Variants in SUFU observed in about 807,000 individuals in gnomAD.
The protein encoded by SUFU is SUFU negative regulator of hedgehog signaling.
SUFU carries 7 observed loss-of-function variants against 58.9 expected under a neutral mutation model. The observed-to-expected ratio is 0.12, with a 90% confidence interval of 0.07 to 0.22. The LOEUF (loss-of-function observed/expected upper bound fraction) is 0.22, where lower values mean the gene tolerates loss of function less well. Among genes scored for constraint, SUFU ranks in the 10% least tolerant of loss-of-function variants. SUFU has a pLI of 1.00. For synonymous variants in SUFU, 232 were observed against 254.8 expected, an observed-to-expected ratio of 0.91 and a Z score of 0.85; for missense variants, 451 against 641.3, an observed-to-expected ratio of 0.70 and a Z score of 3.20.
In SUFU at chr10:102,628,530, G is replaced by A. The variant is rs913602716; in HGVS notation, c.1365+1287G>A. 4.6e-5 allele frequency among the ~76,000 whole-genome samples: 7 copies of A among 152,208 alleles called. No individual in the cohort carries two copies. Among genetic ancestry groups the A allele is most frequent in the African/African-American group, 1.4e-4 (6 of 41,452 alleles). Reference sequence around the variant, plus strand: ...CTTCCGGAGAGGCCTTGTCGCACTGGGATGGCGCTGTGCCAGGCTGCTGCT... The same window carrying A: ...CTTCCGGAGAGGCCTTGTCGCACTGAGATGGCGCTGTGCCAGGCTGCTGCT... On this transcript the variant is annotated intron_variant, in intron 11 of 11. Transcript: ENST00000369902. The surrounding 1 kb of genome is among the most constrained non-coding windows in gnomAD (Gnocchi z 4.5).
intron 7 of SUFU, among the ~76,000 whole-genome samples, chr10:102,598,676 G>A (rs759895578): frequency 3.9e-5 from 6 of 152,172 alleles, no homozygotes; most frequent in Non-Finnish European, 8.8e-5. Flanking sequence ...AGTTAGAAAA[G>A]TTAGTAATCA....
rs903690913 is a variant in SUFU at position 102,629,462 on chromosome 10, G to A, written c.1366-604G>A. Among the ~76,000 whole-genome samples the A allele has an allele frequency of 3.9e-5, 6 of 152,290 alleles. No homozygotes were observed. In the East Asian group the frequency reaches 1.2e-3, roughly 29 times the overall value. On this transcript the variant is annotated intron_variant, in intron 11 of 11. Transcript: ENST00000369902. This position sits in a 1 kb window ranked among gnomAD's most constrained non-coding sequence, Gnocchi z 4.7. Reference sequence around the variant, plus strand: ...TGGTGCGAATGAATACAGGGAGCAGGGTGGGGATTGGCCCCTCTCAGGCCC... The same window carrying A: ...TGGTGCGAATGAATACAGGGAGCAGAGTGGGGATTGGCCCCTCTCAGGCCC...
chr10:102,630,290 GC>G lies in SUFU; in HGVS notation c.*138del. ...GAAGACTGCGCAGTGCCACCCCGCAGCCCAGTGGGGTGCCATGCACAGGCCA... is the reference window on the plus strand; with the variant it reads ...GAAGACTGCGCAGTGCCACCCCGCAGCCAGTGGGGTGCCATGCACAGGCCA... On this transcript the variant is annotated 3_prime_UTR_variant, in exon 12 of 12. Coordinates refer to ENST00000369902, the MANE Select transcript of SUFU (RefSeq NM_016169.4). 1.2e-6 allele frequency: 1 copy of G among 802,964 alleles called. No homozygotes were observed. Among genetic ancestry groups the G allele is most frequent in the Non-Finnish European group, 2.1e-6 (1 of 482,268 alleles). The allele number at this position is 802,964 out of a possible 1,614,324, so 49.7% of individuals were successfully genotyped here. A position where few individuals can be genotyped will look rare whatever the true frequency, so the allele number is the denominator to read the frequency against.
intron 3 of SUFU, among the ~76,000 whole-genome samples, chr10:102,565,423 G>C (rs752522443): frequency 6.6e-6 from 1 of 152,160 alleles, no homozygotes; most frequent in Non-Finnish European, 1.5e-5. Flanking sequence ...GTTGGGGTTG[G>C]GGGGTATGCA....
intron 3 of SUFU, among the ~76,000 whole-genome samples, chr10:102,564,572 A>G (rs1431283058): frequency 6.6e-6 from 1 of 152,176 alleles, no homozygotes; most frequent in African/African-American, 2.4e-5. Flanking sequence ...GGGTCAAGTG[A>G]TCCACCCGCC....
intron 3 of SUFU, among the ~76,000 whole-genome samples, chr10:102,581,492 G>A (rs1027585552): frequency 1.3e-5 from 2 of 152,128 alleles, no homozygotes; most frequent in African/African-American, 4.8e-5. Context: ...TCTGCTCGTG[G>A]GCCTTCTGTT....
chr10:102,589,859 A>G (rs140223233), intron 3 of SUFU, among the ~76,000 whole-genome samples: 2 of 152,296 alleles, frequency 1.3e-5, no homozygotes, highest in African/African-American at 4.8e-5. Flanking sequence ...CGTAGAAGGA[A>G]TTAGTTCAGT....
At chr10:102,604,418 G>A (rs1051161260) in intron 8 of SUFU, among the ~76,000 whole-genome samples, 2 of 152,166 alleles carry the variant, frequency 1.3e-5, no homozygotes, top group African/African-American at 4.8e-5. Context: ...TCTTTGCTCC[G>A]CTTCCCCAAA....
intron 7 of SUFU, among the ~76,000 whole-genome samples, chr10:102,597,713 C>T (rs758567070): frequency 3.9e-5 from 6 of 152,126 alleles, no homozygotes; most frequent in Non-Finnish European, 5.9e-5. Flanking sequence ...ACTCTGGCCT[C>T]GGGCCCTCCC....
intron 6 of SUFU, among the ~76,000 whole-genome samples, chr10:102,595,103 C>T (rs923301590): frequency 1.3e-5 from 2 of 152,178 alleles, no homozygotes; most frequent in African/African-American, 2.4e-5. Flanking sequence ...CTGGCTCCTT[C>T]TACTCCCCTG....
intron 3 of SUFU, among the ~76,000 whole-genome samples, chr10:102,566,101 A>C (rs2063086813): frequency 6.6e-6 from 1 of 152,206 alleles, no homozygotes; most frequent in African/African-American, 2.4e-5. Context: ...TGATGACTGG[A>C]AACTGCTCAT....
intron 4 of SUFU, among the ~76,000 whole-genome samples, chr10:102,592,962 G>C (rs1177507229): frequency 6.6e-6 from 1 of 152,220 alleles, no homozygotes; most frequent in Non-Finnish European, 1.5e-5. Context: ...GTAGCTGAGA[G>C]GGAGTAATGG....
rs60544094 is a variant in SUFU at position 102,516,125 on chromosome 10, C to CTTTTTTT, written c.317+6834_317+6840dup. Among the ~76,000 whole-genome samples the CTTTTTTT allele has an allele frequency of 1.3e-4, 16 of 125,574 alleles. 2 individuals carry two copies. Among genetic ancestry groups the CTTTTTTT allele is most frequent in the Non-Finnish European group, 2.3e-4 (14 of 60,470 alleles). The allele number at this position is 125,574 out of a possible 152,430, so 82.4% of individuals were successfully genotyped here. ...TCTTTTCTTTTTCTTTCTTTCTTTTCTTTTTTTTTTTTTTTTTTGAGATAG... is the reference window on the plus strand; with the variant it reads ...TCTTTTCTTTTTCTTTCTTTCTTTTCTTTTTTTTTTTTTTTTTTTTTTTTTGAGATAG... On this transcript the variant is annotated intron_variant, in intron 2 of 11. Transcript: ENST00000369902.
chr10:102,527,426 T>C (rs1385795256), intron 2 of SUFU, among the ~76,000 whole-genome samples: 3 of 152,000 alleles, frequency 2.0e-5, no homozygotes, highest in South Asian at 2.1e-4. Context: ...ACAGGAGAAC[T>C]GAGTTGAGTG....
At chr10:102,589,442 CTTT>C (rs747625757) in intron 3 of SUFU, among the ~76,000 whole-genome samples, 8 of 65,362 alleles carry the variant, frequency 1.2e-4, no homozygotes, top group South Asian at 1.5e-3. Flanking sequence ...TTCTTTCTTT[CTTT>C]TTTTTTTTTT....
chr10:102,579,750 A>G (rs1360066279), intron 3 of SUFU: 2 of 902,218 alleles, frequency 2.2e-6, no homozygotes, highest in African/African-American at 1.8e-5. Context: ...TTGCAACCAC[A>G]TTTAGCCAAA....
At chr10:102,545,405 A>G (rs949542909) in intron 2 of SUFU, among the ~76,000 whole-genome samples, 1 of 146,706 alleles carries the variant, frequency 6.8e-6, no homozygotes. Context: ...AAGTGCTGGT[A>G]TTACAGGCAT....
chr10:102,582,151 G>T (rs188402452), intron 3 of SUFU, among the ~76,000 whole-genome samples: 2 of 152,258 alleles, frequency 1.3e-5, no homozygotes, highest in African/African-American at 2.4e-5. Flanking sequence ...ACGCTCCTGG[G>T]CTCCCAAAGG....
intron 3 of SUFU, among the ~76,000 whole-genome samples, chr10:102,551,859 C>T (rs555698848): frequency 1.3e-5 from 2 of 148,782 alleles, no homozygotes; most frequent in Non-Finnish European, 3.0e-5. Context: ...CGAGTAGCTG[C>T]GACTACAGGT....
Sources: gnomAD v4.1 joint callset for allele counts (sites outside exome capture counted in the v4.1 genomes callset) on GRCh38, gnomAD v4.1.1 for gene constraint, Gnocchi (gnomAD v3.1) non-coding constraint, MANE v1.5 for transcripts, NCBI Gene and HGNC (gene_info 2026-07-23, HGNC 2026-07-21) for gene names.